Variants in RAP1A observed in about 807,000 individuals in gnomAD.
RAP1A encodes ras-related protein Rap-1A.
Under a neutral mutation model 26.4 loss-of-function variants are expected in RAP1A, and 6 were observed. The observed-to-expected ratio is 0.23, with a 90% CI of 0.12 to 0.45. The LOEUF (loss-of-function observed/expected upper bound fraction) is 0.45, where lower values mean the gene tolerates loss of function less well. RAP1A is among the 20% of genes least tolerant of loss of function. The pLI, the probability that RAP1A is intolerant of heterozygous loss-of-function variation, is 0.99. For synonymous variants in RAP1A, 73 were observed against 79.4 expected (o/e 0.92, Z 0.43); for missense variants, 121 against 217.2 (o/e 0.56, Z 2.78).
At chr1:111,686,873 TC>T (rs1422231067) in intron 1 of RAP1A, among the ~76,000 whole-genome samples, 2 of 151,882 alleles carry the variant, frequency 1.3e-5, no homozygotes, top group Non-Finnish European at 2.9e-5. Flanking sequence ...CTTTTTTTTT[TC>T]ACTAACCTCT....
chr1:111,685,435 G>A (rs75804540), intron 1 of RAP1A, among the ~76,000 whole-genome samples: 909 of 6,862 alleles, frequency 0.13, 3 homozygotes, highest in Admixed American at 0.23. Flanking sequence ...ACAAAAAAAA[G>A]AAACAACCTC....
chr1:111,593,058 G>A (rs532712956), intron 1 of RAP1A, among the ~76,000 whole-genome samples: 1 of 152,160 alleles, frequency 6.6e-6, no homozygotes, highest in Non-Finnish European at 1.5e-5. Context: ...GTTGGCAGAG[G>A]TGGCTGAGAG....
chr1:111,568,195 A>G (rs1657967815), intron 1 of RAP1A, among the ~76,000 whole-genome samples: 1 of 152,202 alleles, frequency 6.6e-6, no homozygotes, highest in South Asian at 2.1e-4. Flanking sequence ...ATAAAGGAAT[A>G]CCTGAGGCTG....
chr1:111,695,336 C>G lies in RAP1A; in HGVS notation c.58-5C>G. On this transcript the variant is annotated splice_region_variant and splice_polypyrimidine_tract_variant and intron_variant, in intron 2 of 7. Coordinates refer to ENST00000369709, the MANE Select transcript of RAP1A (RefSeq NM_002884.4). ...TTTTAATATTTCTCTTTTTTTTTCC[C>G]CCAGACAGTTCAGTTTGTTCAGGGA... 1 of 1,559,204 alleles carries G rather than the reference C, an allele frequency of 6.4e-7. No individual in the cohort carries two copies. The highest frequency in any genetic ancestry group is 1.2e-5 in the South Asian group (1 of 81,268).
intron 1 of RAP1A, among the ~76,000 whole-genome samples, chr1:111,592,718 G>A (rs146588455): frequency 6.6e-5 from 10 of 152,172 alleles, no homozygotes; most frequent in South Asian, 6.2e-4. Context: ...TTTCCTTCCC[G>A]TTGTTGCTTT....
intron 1 of RAP1A, among the ~76,000 whole-genome samples, chr1:111,571,462 C>A (rs182839697): frequency 6.6e-6 from 1 of 152,324 alleles, no homozygotes; most frequent in East Asian, 1.9e-4. Context: ...GGCGCTCCAA[C>A]CTGAGTCACC....
intron 1 of RAP1A, among the ~76,000 whole-genome samples, chr1:111,688,323 C>CTT (rs755186287): frequency 1.1e-3 from 115 of 108,898 alleles, no homozygotes; most frequent in African/African-American, 3.4e-3. Context: ...TTCTTTCTTT[C>CTT]TTTTTTTTTT....
At chr1:111,662,910 TTTGTTGTTG>T (rs71099927) in intron 1 of RAP1A, among the ~76,000 whole-genome samples, 1 of 151,840 alleles carries the variant, frequency 6.6e-6, no homozygotes, top group Admixed American at 6.6e-5. Flanking sequence ...TCTCTTTGGT[TTTGTTGTTG>T]TTGTTGTTGT....
chr1:111,615,124 T>G (rs943223387), upstream of RAP1A, among the ~76,000 whole-genome samples: 1 of 152,084 alleles, frequency 6.6e-6, no homozygotes, highest in East Asian at 1.9e-4. Flanking sequence ...GCAAGTAGTT[T>G]GATATACATG....
chr1:111,645,496 T>C (rs1660036606), intron 1 of RAP1A, among the ~76,000 whole-genome samples: 1 of 152,146 alleles, frequency 6.6e-6, no homozygotes, highest in Non-Finnish European at 1.5e-5. Flanking sequence ...TCTCCACCAA[T>C]GAAGAGAAAG....
intron 1 of RAP1A, among the ~76,000 whole-genome samples, chr1:111,594,618 A>G (rs980952646): frequency 6.7e-6 from 1 of 149,472 alleles, no homozygotes; most frequent in South Asian, 2.1e-4. Flanking sequence ...GGAGAGCGAG[A>G]AAAGAAAAAG....
intron 1 of RAP1A, among the ~76,000 whole-genome samples, chr1:111,669,579 G>T (rs139493300): frequency 1.3e-5 from 2 of 152,234 alleles, no homozygotes; most frequent in Non-Finnish European, 2.9e-5. Context: ...AAACAAGAGT[G>T]TCATGTGAGA....
chr1:111,648,123 T>TGCAGTGG (rs1660129791), intron 1 of RAP1A, among the ~76,000 whole-genome samples: 1 of 151,872 alleles, frequency 6.6e-6, no homozygotes, highest in Admixed American at 6.6e-5. Flanking sequence ...CAGGCTGGAG[T>TGCAGTGG]GCAGTGGCAC....
At chr1:111,678,704 T>C (rs1228959970) in intron 1 of RAP1A, among the ~76,000 whole-genome samples, 1 of 152,038 alleles carries the variant, frequency 6.6e-6, no homozygotes, top group Non-Finnish European at 1.5e-5. Flanking sequence ...CACCACCGTA[T>C]ATGTAATAGA....
chr1:111,671,600 G>A lies in RAP1A; in HGVS notation c.-27-19734G>A, dbSNP rs552494586. 1.1e-4 allele frequency among the ~76,000 whole-genome samples: 16 copies of A among 152,026 alleles called. No homozygotes were observed. In the South Asian group the frequency reaches 2.1e-3, roughly 20 times the overall value. On this transcript the variant is annotated intron_variant, in intron 1 of 7. Transcript: ENST00000369709. ...AGCGATTCTTGTGCCTCAGCCTCCC[G>A]GGTAGCTGGGATTACAGGCACATGC...
intron 1 of RAP1A, among the ~76,000 whole-genome samples, chr1:111,669,910 TCAAAAGCTCTG>T (rs1196466700): frequency 6.6e-6 from 1 of 152,196 alleles, no homozygotes; most frequent in Non-Finnish European, 1.5e-5. Flanking sequence ...CAGATCACTT[TCAAAAGCTCTG>T]CAATTAGGCT....
intron 1 of RAP1A, among the ~76,000 whole-genome samples, chr1:111,659,042 T>A (rs139930300): frequency 3.3e-5 from 5 of 152,320 alleles, no homozygotes; most frequent in African/African-American, 1.2e-4. Context: ...TGTCTCAGAA[T>A]AATATAGCTA....
chr1:111,662,661 G>GT (rs1311259337), intron 1 of RAP1A, among the ~76,000 whole-genome samples: 1 of 152,138 alleles, frequency 6.6e-6, no homozygotes, highest in Non-Finnish European at 1.5e-5. Context: ...ATGTGGCAGT[G>GT]TTTTTATCAA....
At chr1:111,711,491 G>C (rs1258234590) in intron 7 of RAP1A, among the ~76,000 whole-genome samples, 1 of 152,146 alleles carries the variant, frequency 6.6e-6, no homozygotes, top group Non-Finnish European at 1.5e-5. Context: ...CCTAGATCTG[G>C]AATAAGACTT....
Sources: gnomAD v4.1 joint callset for allele counts (sites outside exome capture counted in the v4.1 genomes callset) on GRCh38, gnomAD v4.1.1 for gene constraint, MANE v1.5 for transcripts, NCBI Gene and HGNC (gene_info 2026-07-23, HGNC 2026-07-21) for gene names.